UBE2E2: variants seen among roughly 807,000 people sequenced by gnomAD.
UBE2E2 encodes the protein ubiquitin conjugating enzyme E2 E2, also known as ubiquitin-conjugating enzyme E2 E2.
A neutral mutation model predicts 24.7 loss-of-function variants in UBE2E2; 6 were observed. That is an observed-to-expected ratio of 0.24 (90% CI 0.13 to 0.48). UBE2E2 has a LOEUF of 0.48. Ranked by LOEUF, UBE2E2 falls within the 20% of genes least tolerant of loss-of-function variation. The probability of loss-of-function intolerance (pLI) is 0.99; values close to 1 mark genes in which losing one functional copy is unlikely to be tolerated. For synonymous variants in UBE2E2, 104 were observed against 83.6 expected (o/e 1.24, Z -1.33); for missense variants, 169 against 245.0 (o/e 0.69, Z 2.07).
intron 3 of UBE2E2, among the ~76,000 whole-genome samples, chr3:23,237,130 T>A (rs1012107516): frequency 2.6e-5 from 4 of 152,136 alleles, no homozygotes; most frequent in Admixed American, 1.3e-4. Flanking sequence ...CACATGGGGT[T>A]GTGTGAGGAT....
intron 3 of UBE2E2, among the ~76,000 whole-genome samples, chr3:23,395,044 A>G (rs578208209): frequency 2.0e-5 from 3 of 152,274 alleles, no homozygotes; most frequent in East Asian, 1.9e-4. Flanking sequence ...ATCATTTTCT[A>G]CTTCTTGTGT....
At chr3:23,522,053 G>A (rs1426530981) in intron 4 of UBE2E2, among the ~76,000 whole-genome samples, 3 of 151,696 alleles carry the variant, frequency 2.0e-5, no homozygotes, top group Non-Finnish European at 2.9e-5. Context: ...TTTTAAATCC[G>A]TATGTGATTA....
At chr3:23,429,657 A>G (rs897558751) in intron 3 of UBE2E2, among the ~76,000 whole-genome samples, 2 of 152,208 alleles carry the variant, frequency 1.3e-5, no homozygotes, top group African/African-American at 2.4e-5. Context: ...GCATTGTACT[A>G]GAAGTCCTAG....
At position 23,474,669 on chromosome 3, in the gene UBE2E2, T is replaced by C. The variant is rs1166581854; in HGVS notation, c.228-24939T>C. ...ATGGCAGTCTAGAATAAAACTATGC[T>C]GTTTCCACTTATGTGGTAATAATGC... On this transcript the variant is annotated intron_variant, in intron 3 of 5. Coordinates refer to ENST00000396703, the MANE Select transcript of UBE2E2 (RefSeq NM_152653.4). This position sits in a 1 kb window ranked among gnomAD's most constrained non-coding sequence, Gnocchi z 4.0. Among the ~76,000 whole-genome samples, 1 of 152,134 alleles carries C rather than the reference T, an allele frequency of 6.6e-6. No homozygotes were observed. Among genetic ancestry groups the C allele is most frequent in the African/African-American group, 2.4e-5 (1 of 41,364 alleles).
intron 3 of UBE2E2, among the ~76,000 whole-genome samples, chr3:23,372,750 C>T (rs1025325626): frequency 4.0e-5 from 6 of 151,818 alleles, no homozygotes; most frequent in African/African-American, 1.2e-4. Context: ...GTTATTTTTC[C>T]GTTAAGATTA....
intron 3 of UBE2E2, among the ~76,000 whole-genome samples, chr3:23,489,842 C>G (rs183383808): frequency 6.6e-6 from 1 of 152,138 alleles, no homozygotes; most frequent in African/African-American, 2.4e-5. Flanking sequence ...ATATTATCGC[C>G]TTTGAAATGA....
rs553362345 is a variant in UBE2E2, at chr3:23,268,948, G to A, written c.227+51636G>A. ...GACAAACCTGACAAAAACAAGCAAT[G>A]GGGAAAGGATTCCCTATTTAATAAA... On this transcript the variant is annotated intron_variant, in intron 3 of 5. Transcript: ENST00000396703. Among the ~76,000 whole-genome samples, 255 of 152,160 alleles carry A rather than the reference G, an allele frequency of 1.7e-3. 1 individual carries two copies. Among genetic ancestry groups the A allele is most frequent in the African/African-American group, 5.9e-3 (246 of 41,492 alleles).
intron 3 of UBE2E2, among the ~76,000 whole-genome samples, chr3:23,366,567 G>C (rs574162851): frequency 6.6e-6 from 1 of 152,256 alleles, no homozygotes; most frequent in South Asian, 2.1e-4. Flanking sequence ...GGTAAACATT[G>C]AGTACACATG....
intron 3 of UBE2E2, among the ~76,000 whole-genome samples, chr3:23,308,537 C>T (rs1025423254): frequency 6.6e-5 from 10 of 152,042 alleles, no homozygotes; most frequent in Admixed American, 6.6e-4. Context: ...AAATTGTTTA[C>T]CATGTCTTGT....
At chr3:23,502,583 A>G (rs1334665987) in intron 4 of UBE2E2, among the ~76,000 whole-genome samples, 1 of 152,166 alleles carries the variant, frequency 6.6e-6, no homozygotes, top group Non-Finnish European at 1.5e-5. Flanking sequence ...GTAGGGCTTG[A>G]TCAGGTTGAA....
chr3:23,217,423 T>G, intron 3 of UBE2E2, 111 bp downstream of exon 3: 2 of 995,020 alleles, frequency 2.0e-6, no homozygotes, highest in Non-Finnish European at 3.1e-6. Context: ...AAAAACATCA[T>G]TGTTGTTTGA....
chr3:23,451,169 G>A (rs1025367834), intron 3 of UBE2E2, among the ~76,000 whole-genome samples: 3 of 152,170 alleles, frequency 2.0e-5, no homozygotes, highest in African/African-American at 7.2e-5. Flanking sequence ...GGGAGGATCC[G>A]TTGAGCCCAG....
intron 5 of UBE2E2, among the ~76,000 whole-genome samples, chr3:23,564,674 A>T (rs1364513385): frequency 6.6e-6 from 1 of 152,156 alleles, no homozygotes; most frequent in Admixed American, 6.6e-5. Context: ...GTCCTGGTAG[A>T]TAGGATTCTG....
intron 3 of UBE2E2, among the ~76,000 whole-genome samples, chr3:23,374,105 G>T (rs1696461855): frequency 6.6e-6 from 1 of 151,882 alleles, no homozygotes; most frequent in African/African-American, 2.4e-5. Context: ...AAAATATAAT[G>T]GTATAAAATC....
At chr3:23,585,238 A>G (rs1159292464) in intron 5 of UBE2E2, among the ~76,000 whole-genome samples, 3 of 151,700 alleles carry the variant, frequency 2.0e-5, no homozygotes, top group African/African-American at 7.3e-5. Context: ...TGGACATGCT[A>G]CTGTGTGCCT....
intron 3 of UBE2E2, among the ~76,000 whole-genome samples, chr3:23,384,398 A>G (rs1696753391): frequency 6.6e-6 from 1 of 151,900 alleles, no homozygotes. Flanking sequence ...TCCTGGTCTC[A>G]AGCAGTCTTG....
intron 3 of UBE2E2, among the ~76,000 whole-genome samples, chr3:23,491,733 A>G (rs1699500592): frequency 6.6e-6 from 1 of 152,208 alleles, no homozygotes; most frequent in South Asian, 2.1e-4. Flanking sequence ...AACCTAGAGA[A>G]AGCAGGGAAG....
At chr3:23,556,454 T>TTAAAAAAAAAAAAA (rs1553620573) in intron 5 of UBE2E2, among the ~76,000 whole-genome samples, 1 of 94,340 alleles carries the variant, frequency 1.1e-5, no homozygotes, top group Admixed American at 1.0e-4. Context: ...AAAATTTATT[T>TTAAAAAAAAAAAAA]AAAAAAAAAA....
intron 3 of UBE2E2, among the ~76,000 whole-genome samples, chr3:23,491,403 C>A (rs759474196): frequency 6.6e-6 from 1 of 152,080 alleles, no homozygotes; most frequent in Non-Finnish European, 1.5e-5. Flanking sequence ...GTTTTTATAA[C>A]GTTTATATTT....
Sources: allele counts gnomAD v4.1 joint callset (sites outside exome capture counted in the v4.1 genomes callset), GRCh38; gene constraint gnomAD v4.1.1; non-coding constraint Gnocchi (gnomAD v3.1); transcripts MANE v1.5; gene names NCBI Gene and HGNC (gene_info 2026-07-23, HGNC 2026-07-21).